The following CERKL variants were observed in gnomAD, a reference collection of about 807,000 sequenced individuals.
The protein encoded by CERKL is CERK like autophagy regulator.
In CERKL, 61 loss-of-function variants were observed where a neutral mutation model predicts 63.4. That is an observed-to-expected ratio of 0.96 (90% confidence interval 0.78 to 1.19). The LOEUF (loss-of-function observed/expected upper bound fraction) is 1.19, where lower values mean the gene tolerates loss of function less well. CERKL is among the 50% of genes most tolerant of loss of function. The pLI, the probability that CERKL is intolerant of heterozygous loss-of-function variation, is 0.00. For missense variants in CERKL, 675 were observed against 655.5 expected, an observed-to-expected ratio of 1.03 and a Z score of -0.33; for synonymous variants, 250 against 230.5, an observed-to-expected ratio of 1.08 and a Z score of -0.77.
At chr2:181,642,867 T>A (rs536710816) in intron 1 of CERKL, among the ~76,000 whole-genome samples, 3 of 152,244 alleles carry the variant, frequency 2.0e-5, no homozygotes, top group Non-Finnish European at 4.4e-5. Flanking sequence ...TTGTCCATCA[T>A]GAAATAGCTG....
intron 1 of CERKL, among the ~76,000 whole-genome samples, chr2:181,637,369 A>T (rs1425133899): frequency 6.6e-6 from 1 of 152,202 alleles, no homozygotes; most frequent in African/African-American, 2.4e-5. Context: ...AACAAAAATG[A>T]CTAGAAACAA....
chr2:181,561,799 T>C (rs1045885861), intron 4 of CERKL, among the ~76,000 whole-genome samples: 1 of 148,414 alleles, frequency 6.7e-6, no homozygotes, highest in Non-Finnish European at 1.5e-5. Context: ...ATCTTTATTT[T>C]TATAATTTTT....
intron 2 of CERKL, among the ~76,000 whole-genome samples, chr2:181,587,935 C>G (rs565708865): frequency 6.6e-6 from 1 of 151,792 alleles, no homozygotes; most frequent in Non-Finnish European, 1.5e-5. Flanking sequence ...TATAAAGAGT[C>G]GTGAAAAGAC....
At chr2:181,548,885 G>T in intron 6 of CERKL, 28 bp from the exon 7 acceptor site, 1 of 1,591,458 alleles carries the variant, frequency 6.3e-7, no homozygotes, top group South Asian at 1.1e-5. Flanking sequence ...ATATTAATCA[G>T]TGAGTACAGT....
chr2:181,647,764 GA>G (rs1180746466), intron 1 of CERKL, among the ~76,000 whole-genome samples: 1 of 151,954 alleles, frequency 6.6e-6, no homozygotes, highest in Admixed American at 6.6e-5. Context: ...AGACCCCAAA[GA>G]AAAGGGTGTT....
intron 1 of CERKL, among the ~76,000 whole-genome samples, chr2:181,634,945 G>A (rs1687110800): frequency 6.6e-6 from 1 of 152,104 alleles, no homozygotes; most frequent in Non-Finnish European, 1.5e-5. Flanking sequence ...AAAGGACAAT[G>A]TACACAATGA....
chr2:181,630,187 G>A (rs1177310960), intron 1 of CERKL, among the ~76,000 whole-genome samples: 3 of 151,904 alleles, frequency 2.0e-5, no homozygotes, highest in Non-Finnish European at 2.9e-5. Flanking sequence ...AGAGGTGAAC[G>A]CCACCAAGCC....
chr2:181,632,772 G>A (rs1316719224), intron 1 of CERKL, among the ~76,000 whole-genome samples: 3 of 152,154 alleles, frequency 2.0e-5, no homozygotes, highest in Non-Finnish European at 4.4e-5. Flanking sequence ...CCAGGGCCTT[G>A]GATAGGGTAG....
At chr2:181,632,084 TTTG>T (rs1559115401) in intron 1 of CERKL, among the ~76,000 whole-genome samples, 1 of 152,196 alleles carries the variant, frequency 6.6e-6, no homozygotes, top group Non-Finnish European at 1.5e-5. Flanking sequence ...GTGTTTCCAG[TTTG>T]TTGTTTTTCA....
Position 181,548,620 on chromosome 2 carries a change from A to G in CERKL, c.1074-16T>C. The stretch of plus-strand genomic sequence containing the variant: ...GTCTTCTGCCCTAAAATGTAATGAA[A>G]TTTGTTATTAACAGTCATTGAACCT... On this transcript the variant is annotated splice_polypyrimidine_tract_variant and intron_variant, in intron 7 of 12. Coordinates refer to ENST00000410087, the MANE Select transcript of CERKL (RefSeq NM_201548.5). 1 of 1,612,960 alleles carries G rather than the reference A, an allele frequency of 6.2e-7. No individual in the cohort carries two copies. The highest frequency in any genetic ancestry group is 1.7e-5 in the Admixed American group (1 of 59,930).
chr2:181,540,272 G>A (rs544557196), intron 11 of CERKL, among the ~76,000 whole-genome samples: 2 of 152,288 alleles, frequency 1.3e-5, no homozygotes, highest in South Asian at 2.1e-4. Context: ...CTCCTACCTC[G>A]GGTATAAAGC....
intron 1 of CERKL, among the ~76,000 whole-genome samples, chr2:181,627,000 CT>C (rs1308795325): frequency 6.6e-6 from 1 of 152,208 alleles, no homozygotes; most frequent in Non-Finnish European, 1.5e-5. Flanking sequence ...GTATTTGCCC[CT>C]AGTAGTCTGA....
At chr2:181,629,259 G>A (rs532684418) in intron 1 of CERKL, among the ~76,000 whole-genome samples, 1 of 152,108 alleles carries the variant, frequency 6.6e-6, no homozygotes, top group Non-Finnish European at 1.5e-5. Flanking sequence ...ATCAAGAACA[G>A]CAGAAAAATA....
chr2:181,632,219 T>C (rs1006851852), intron 1 of CERKL, among the ~76,000 whole-genome samples: 65 of 152,182 alleles, frequency 4.3e-4, no homozygotes, highest in African/African-American at 1.5e-3. Context: ...CTTTTTAATC[T>C]AAAAATATTT....
chr2:181,568,073 G>A (rs763199275), intron 3 of CERKL, among the ~76,000 whole-genome samples: 11 of 152,066 alleles, frequency 7.2e-5, no homozygotes, highest in Non-Finnish European at 1.0e-4. Context: ...CTCACTGCTG[G>A]GAATTTCCCC....
intron 1 of CERKL, among the ~76,000 whole-genome samples, chr2:181,621,509 A>G (rs1016238809): frequency 5.9e-5 from 9 of 152,214 alleles, no homozygotes; most frequent in African/African-American, 1.9e-4. Flanking sequence ...AAAATAAGCT[A>G]AATGTTTATA....
At position 181,629,838 on chromosome 2, in the gene CERKL, C is replaced by T. The variant is rs1686873931; in HGVS notation, c.239-25759G>A. Reference sequence around the variant, plus strand: ...ACAGAGTTAGAGTTGAGAAAACCTACTTAAAATGTAAAAAATTACCCATCT... The same window carrying T: ...ACAGAGTTAGAGTTGAGAAAACCTATTTAAAATGTAAAAAATTACCCATCT... On this transcript the variant is annotated intron_variant, in intron 1 of 12. Transcript: ENST00000410087. Among the ~76,000 whole-genome samples the T allele has an allele frequency of 2.0e-5, 3 of 151,960 alleles. No individual in the cohort carries two copies. The South Asian group carries it at 6.2e-4, about 32-fold the overall frequency.
intron 2 of CERKL, among the ~76,000 whole-genome samples, chr2:181,596,017 GA>G (rs1368428835): frequency 6.6e-6 from 1 of 152,136 alleles, no homozygotes; most frequent in Non-Finnish European, 1.5e-5. Flanking sequence ...TTAACAGCAT[GA>G]AAACAATTCA....
chr2:181,543,977 C>G (rs369468270), intron 11 of CERKL, among the ~76,000 whole-genome samples: 31 of 90,120 alleles, frequency 3.4e-4, no homozygotes, highest in African/African-American at 1.4e-3. Flanking sequence ...CAGCAAGGCT[C>G]TAACTCAAAA....
Sources: gnomAD v4.1 joint callset for allele counts (sites outside exome capture counted in the v4.1 genomes callset) on GRCh38, gnomAD v4.1.1 for gene constraint, MANE v1.5 for transcripts, NCBI Gene and HGNC (gene_info 2026-07-23, HGNC 2026-07-21) for gene names.